Variants in AJAP1 observed in about 807,000 individuals in gnomAD.
AJAP1 encodes adherens junction-associated protein 1.
AJAP1 carries 5 observed loss-of-function variants against 35.0 expected under a neutral mutation model. The ratio of observed to expected loss-of-function variants is 0.14; its 90% confidence interval spans 0.07 to 0.30. The LOEUF is 0.30. Ranked by LOEUF, AJAP1 falls within the 10% of genes least tolerant of loss-of-function variation. AJAP1 has a pLI of 1.00. For missense variants in AJAP1, 586 were observed against 571.0 expected (o/e 1.03, Z -0.27); for synonymous variants, 284 against 249.3 (o/e 1.14, Z -1.31).
Position 4,774,316 on chromosome 1 carries a change from G to C in AJAP1, c.1164-111G>C, listed in dbSNP as rs531470447. Reference sequence around the variant, plus strand: ...CTGGCAAGGCCAGGAGTCCACATTAGTGCTTCCTTTCTCAAGAAGCCAGTC... The same window carrying C: ...CTGGCAAGGCCAGGAGTCCACATTACTGCTTCCTTTCTCAAGAAGCCAGTC... On this transcript the variant is annotated intron_variant, in intron 4 of 5. Coordinates refer to ENST00000378191, the MANE Select transcript of AJAP1 (RefSeq NM_018836.4). The C allele has an allele frequency of 1.8e-4, 175 of 985,276 alleles. 1 individual carries two copies. In the African/African-American group the frequency reaches 2.6e-3, roughly 15 times the overall value. 61.0% of individuals were successfully genotyped at this position (985,276 alleles called of 1,614,324 possible). A position where few individuals can be genotyped will look rare whatever the true frequency, so the allele number is the denominator to read the frequency against.
chr1:4,733,122 A>G (rs143196258), intron 2 of AJAP1, among the ~76,000 whole-genome samples: 3,529 of 152,236 alleles, frequency 0.023, 54 homozygotes, highest in Middle Eastern at 0.044. Context: ...CCTCCAACAA[A>G]GTGGGCAGCC....
intron 1 of AJAP1, among the ~76,000 whole-genome samples, chr1:4,674,966 C>T (rs1055012152): frequency 1.3e-5 from 2 of 152,216 alleles, no homozygotes; most frequent in African/African-American, 2.4e-5. Context: ...ATGGAGGAGT[C>T]GTCTCAGGCA....
At position 4,655,490 on chromosome 1, in the gene AJAP1, G is replaced by C; in HGVS notation, c.29+36G>C. 1 of 1,559,684 alleles carries C rather than the reference G, an allele frequency of 6.4e-7. No homozygotes were observed. Among genetic ancestry groups the C allele is most frequent in the South Asian group, 1.2e-5 (1 of 86,934 alleles). Reference sequence around the variant, plus strand: ...CGGCCGGCGCCGGGTGCGTGTGGGCGCGTGGGTGCCAGGCTGGGCGGAAGC... The same window carrying C: ...CGGCCGGCGCCGGGTGCGTGTGGGCCCGTGGGTGCCAGGCTGGGCGGAAGC... On this transcript the variant is annotated intron_variant, in intron 1 of 5. Transcript: ENST00000378191. This position sits in a 1 kb window ranked among gnomAD's most constrained non-coding sequence, Gnocchi z 6.9.
intron 1 of AJAP1, among the ~76,000 whole-genome samples, chr1:4,665,524 C>T (rs184185229): frequency 1.3e-3 from 192 of 152,290 alleles, no homozygotes; most frequent in Admixed American, 3.3e-3. Flanking sequence ...AGACCTGAGC[C>T]GCCACACTCA....
At chr1:4,763,816 C>A (rs1316007766) in intron 2 of AJAP1, among the ~76,000 whole-genome samples, 2 of 145,278 alleles carry the variant, frequency 1.4e-5, no homozygotes, top group African/African-American at 5.1e-5. Context: ...TTCTCCCTCT[C>A]CCCCTCCCCC....
intron 2 of AJAP1, among the ~76,000 whole-genome samples, chr1:4,756,607 C>CT (rs1289890785): frequency 2.0e-5 from 3 of 152,230 alleles, no homozygotes; most frequent in African/African-American, 4.8e-5. Context: ...CCTCCTGTCT[C>CT]TGAGACTACA....
chr1:4,760,753 A>G (rs1641546874), intron 2 of AJAP1, among the ~76,000 whole-genome samples: 1 of 152,218 alleles, frequency 6.6e-6, no homozygotes, highest in Non-Finnish European at 1.5e-5. Flanking sequence ...TCTGTTTGCC[A>G]CAAGGGGCGA....
chr1:4,766,449 G>A (rs1236297136), intron 2 of AJAP1, among the ~76,000 whole-genome samples: 1 of 152,170 alleles, frequency 6.6e-6, no homozygotes, highest in Non-Finnish European at 1.5e-5. Flanking sequence ...TTCTAAGTGA[G>A]CAGCCTACCA....
chr1:4,676,067 G>C (rs575261264), intron 1 of AJAP1, among the ~76,000 whole-genome samples: 2 of 152,156 alleles, frequency 1.3e-5, no homozygotes, highest in African/African-American at 4.8e-5. Context: ...CTTGCTACTC[G>C]TTTTGTGCAT....
chr1:4,774,713 G>T (rs983094722), intron 5 of AJAP1, among the ~76,000 whole-genome samples, 155 bp downstream of exon 5: 42 of 152,186 alleles, frequency 2.8e-4, no homozygotes, highest in East Asian at 1.4e-3. Flanking sequence ...CGGCGGGGGG[G>T]GCTGGGCTTT....
intron 2 of AJAP1, among the ~76,000 whole-genome samples, chr1:4,759,060 C>A (rs948710146): frequency 9.9e-5 from 15 of 152,170 alleles, no homozygotes; most frequent in African/African-American, 3.6e-4. Context: ...GTCACTGACC[C>A]GTGACTGTTT....
intron 1 of AJAP1, among the ~76,000 whole-genome samples, chr1:4,694,458 C>T (rs1479327662): frequency 6.6e-6 from 1 of 152,252 alleles, no homozygotes; most frequent in Non-Finnish European, 1.5e-5. Context: ...GACTCCTCTT[C>T]CCTGGGCCTG....
At chr1:4,759,820 C>T (rs3753722) in intron 2 of AJAP1, among the ~76,000 whole-genome samples, 2,473 of 152,166 alleles carry the variant, frequency 0.016, 64 homozygotes, top group South Asian at 0.12. Context: ...GTGCTGGTGG[C>T]GCTGGGAGTT....
chr1:4,764,123 G>A (rs12062212), intron 2 of AJAP1, among the ~76,000 whole-genome samples: 66,709 of 151,732 alleles, frequency 0.44, 15,056 homozygotes, highest in African/African-American at 0.48. Flanking sequence ...GGGATTTTTC[G>A]GCCTTCATAA....
At chr1:4,729,709 G>A (rs1242590893) in intron 2 of AJAP1, among the ~76,000 whole-genome samples, 1 of 150,958 alleles carries the variant, frequency 6.6e-6, no homozygotes, top group Admixed American at 6.6e-5. Flanking sequence ...ATTTTAACTT[G>A]ATTACCTCTT....
chr1:4,694,543 G>T (rs1052380025), intron 1 of AJAP1, among the ~76,000 whole-genome samples: 5 of 152,252 alleles, frequency 3.3e-5, no homozygotes, highest in Non-Finnish European at 7.3e-5. Context: ...CTCCCGAGTG[G>T]TCCAGGCCCA....
At chr1:4,780,811 A>G (rs1055185463) in intron 5 of AJAP1, among the ~76,000 whole-genome samples, 2 of 151,852 alleles carry the variant, frequency 1.3e-5, no homozygotes, top group Non-Finnish European at 2.9e-5. Context: ...TATTTTCACT[A>G]GAGATGGGGT....
rs955544564 is a variant in AJAP1, at chr1:4,656,958, C to G, written c.29+1504C>G. Reference sequence around the variant, plus strand: ...AGGCCTGCCATCCCCTGCTCTGCCCCGGACTGTCCCAGGTCTCAGCAAGAC... The same window carrying G: ...AGGCCTGCCATCCCCTGCTCTGCCCGGGACTGTCCCAGGTCTCAGCAAGAC... On this transcript the variant is annotated intron_variant, in intron 1 of 5. Transcript: ENST00000378191. The surrounding 1 kb of genome is among the most constrained non-coding windows in gnomAD (Gnocchi z 5.7). Among the ~76,000 whole-genome samples, 1 of 152,104 alleles carries G rather than the reference C, an allele frequency of 6.6e-6. No individual in the cohort carries two copies. Among genetic ancestry groups the G allele is most frequent in the African/African-American group, 2.4e-5 (1 of 41,416 alleles).
In AJAP1 at chr1:4,780,254, C is replaced by T. The variant is rs116086995; in HGVS notation, c.*60-2291C>T. Among the ~76,000 whole-genome samples the T allele has an allele frequency of 3.1e-3, 479 of 152,098 alleles. 2 individuals are homozygous for T. The highest frequency in any genetic ancestry group is 5.7e-3 in the Non-Finnish European group (388 of 67,976). ...CACAAGCCAGCTCTTCACCTCCTTCCGTCACCCCGTATTAAAACTCCGCAC... is the reference window on the plus strand; with the variant it reads ...CACAAGCCAGCTCTTCACCTCCTTCTGTCACCCCGTATTAAAACTCCGCAC... On this transcript the variant is annotated intron_variant, in intron 5 of 5. Coordinates refer to ENST00000378191, the MANE Select transcript of AJAP1 (RefSeq NM_018836.4).
Sources: allele counts gnomAD v4.1 joint callset (sites outside exome capture counted in the v4.1 genomes callset), GRCh38; gene constraint gnomAD v4.1.1; non-coding constraint Gnocchi (gnomAD v3.1); transcripts MANE v1.5; gene names NCBI Gene and HGNC (gene_info 2026-07-23, HGNC 2026-07-21).